Variants in SCN8A observed in about 807,000 individuals in gnomAD.
SCN8A encodes sodium voltage-gated channel alpha subunit 8.
In SCN8A, 30 loss-of-function variants were observed where a neutral mutation model predicts 184.1. That is an observed-to-expected ratio of 0.16 (90% CI 0.12 to 0.22). The LOEUF (loss-of-function observed/expected upper bound fraction) is 0.22. SCN8A is among the 10% of genes least tolerant of loss of function. The pLI is 1.00. For missense variants in SCN8A, 1,057 were observed against 2,498.9 expected (o/e 0.42, Z 12.30); for synonymous variants, 852 against 907.0 (o/e 0.94, Z 1.09).
At position 51,774,208 on chromosome 12, in the gene SCN8A, T is replaced by C. The variant is rs778889871; in HGVS notation, c.3665T>C (p.Ile1222Thr). ...SGALAFEDIY[I>T]EQRKTIRTIL... ...TTTTAGGCCTTCGAGGACATCTACA[T>C]TGAGCAGAGAAAGACCATCCGCACC... The change falls in exon 20 of 27, where the codon ATT becomes ACT. Residue 1222 changes from isoleucine (I) to threonine (T), a missense_variant. Ile to Thr is a moderately conservative substitution (Grantham distance 89). Coordinates refer to ENST00000627620, the MANE Select transcript of SCN8A (RefSeq NM_001330260.2). The C allele has an allele frequency of 6.2e-7, 1 of 1,613,334 alleles. No individual in the cohort carries two copies. Among genetic ancestry groups the C allele is most frequent in the South Asian group, 1.1e-5 (1 of 91,044 alleles).
rs948101451 is a variant in SCN8A, at chr12:51,772,906, G to A, written c.3646-1283G>A. 3.9e-5 allele frequency among the ~76,000 whole-genome samples: 6 copies of A among 152,104 alleles called. No homozygotes were observed. The East Asian group carries it at 1.2e-3, about 29-fold the overall frequency. ...CTGAGGCGGGCGAATCACGAGGTCA[G>A]GAGATTGAGACCATCCCAGCTAACA... On this transcript the variant is annotated intron_variant, in intron 19 of 26. Transcript: ENST00000627620.
intron 1 of SCN8A, among the ~76,000 whole-genome samples, chr12:51,628,830 T>C (rs1940135043): frequency 6.6e-6 from 1 of 152,256 alleles, no homozygotes; most frequent in African/African-American, 2.4e-5. Flanking sequence ...GTACTGGTTA[T>C]ATATTATTAA....
intron 6 of SCN8A, among the ~76,000 whole-genome samples, chr12:51,692,846 A>G (rs1356023873): frequency 6.6e-6 from 1 of 152,190 alleles, no homozygotes; most frequent in African/African-American, 2.4e-5. Flanking sequence ...ATTTAATAGT[A>G]TAAGTACTAA....
intron 1 of SCN8A, among the ~76,000 whole-genome samples, chr12:51,596,838 G>C (rs1256384033): frequency 6.6e-6 from 1 of 152,102 alleles, no homozygotes; most frequent in African/African-American, 2.4e-5. Flanking sequence ...ACATATACTT[G>C]GCTATTCATG....
intron 19 of SCN8A, among the ~76,000 whole-genome samples, chr12:51,772,525 C>T (rs1942941499): frequency 6.6e-6 from 1 of 152,052 alleles, no homozygotes; most frequent in African/African-American, 2.4e-5. Context: ...TCTTGGGCAT[C>T]TCACATACCT....
chr12:51,812,532 G>C lies in SCN8A; in HGVS notation c.*5103G>C, dbSNP rs1225468190. On this transcript the variant is annotated 3_prime_UTR_variant, in exon 27 of 27. Coordinates refer to ENST00000627620, the MANE Select transcript of SCN8A (RefSeq NM_001330260.2). Reference sequence around the variant, plus strand: ...AAGCTGAAATGGTACCATAAATGCTGCTATTCTGAGAGCCATTTTAAACTG... The same window carrying C: ...AAGCTGAAATGGTACCATAAATGCTCCTATTCTGAGAGCCATTTTAAACTG... The C allele has an allele frequency of 1.3e-5, 2 of 152,222 alleles. No homozygotes were observed. The highest frequency in any genetic ancestry group is 2.9e-5 in the Non-Finnish European group (2 of 68,074). 9.4% of individuals were successfully genotyped at this position (152,222 alleles called of 1,614,324 possible). A position where few individuals can be genotyped will look rare whatever the true frequency, so the allele number is the denominator to read the frequency against.
At chr12:51,748,078 A>G (rs1428724805) in intron 13 of SCN8A, among the ~76,000 whole-genome samples, 1 of 152,194 alleles carries the variant, frequency 6.6e-6, no homozygotes. Flanking sequence ...CAGAACTGCT[A>G]TAAGCAAAGA....
At chr12:51,769,789 C>G in intron 17 of SCN8A, 79 bp from the exon 18 acceptor site, 1 of 924,966 alleles carries the variant, frequency 1.1e-6, no homozygotes, top group South Asian at 1.4e-5. Context: ...CCCTCATCCC[C>G]ACCAGAGGCA....
At chr12:51,622,831 T>C (rs1939993432) in intron 1 of SCN8A, among the ~76,000 whole-genome samples, 1 of 152,230 alleles carries the variant, frequency 6.6e-6, no homozygotes, top group Non-Finnish European at 1.5e-5. Flanking sequence ...TATCTACTTA[T>C]ATTATCTGGA....
At chr12:51,763,246 AC>A (rs1339110487) in intron 15 of SCN8A, among the ~76,000 whole-genome samples, 1 of 152,224 alleles carries the variant, frequency 6.6e-6, no homozygotes, top group Non-Finnish European at 1.5e-5. Flanking sequence ...TTCAGTAGAA[AC>A]CATACTTTGA....
At chr12:51,700,092 G>A (rs923920288) in intron 7 of SCN8A, among the ~76,000 whole-genome samples, 8 of 151,930 alleles carry the variant, frequency 5.3e-5, no homozygotes, top group African/African-American at 1.9e-4. Flanking sequence ...CTTGAACCCG[G>A]GAGGCGGAGG....
At chr12:51,676,438 A>G (rs192347218) in intron 2 of SCN8A, among the ~76,000 whole-genome samples, 7 of 152,302 alleles carry the variant, frequency 4.6e-5, no homozygotes, top group Admixed American at 1.3e-4. Context: ...ATTCTGCATT[A>G]TATTTTCCGT....
At chr12:51,804,813 C>A (rs1257337547) in intron 26 of SCN8A, among the ~76,000 whole-genome samples, 2 of 152,170 alleles carry the variant, frequency 1.3e-5, no homozygotes. Context: ...AGCACAAAAT[C>A]TATCAGCTCA....
At chr12:51,733,529 TC>T in intron 12 of SCN8A, among the ~76,000 whole-genome samples, 1 of 152,344 alleles carries the variant, frequency 6.6e-6, no homozygotes, top group East Asian at 1.9e-4. Context: ...CCTGTTGTTT[TC>T]TTTTTTTGAT....
At chr12:51,661,224 T>C (rs1242186772) in intron 1 of SCN8A, among the ~76,000 whole-genome samples, 1 of 152,146 alleles carries the variant, frequency 6.6e-6, no homozygotes, top group African/African-American at 2.4e-5. Flanking sequence ...ATTTGTAAAA[T>C]CCTTACAGCT....
chr12:51,708,082 C>T (rs2138753406), intron 11 of SCN8A, among the ~76,000 whole-genome samples: 1 of 152,294 alleles, frequency 6.6e-6, no homozygotes, highest in Middle Eastern at 3.4e-3. Context: ...TATGTCACAC[C>T]AGCAATCTTC....
Position 51,769,210 on chromosome 12 carries a change from C to T in SCN8A, c.3247C>T (p.His1083Tyr). The T allele has an allele frequency of 1.2e-6, 2 of 1,613,940 alleles. No individual in the cohort carries two copies. Among genetic ancestry groups the T allele is most frequent in the Non-Finnish European group, 1.7e-6 (2 of 1,179,852 alleles). Residue 1083 changes from histidine to tyrosine, a missense_variant, in exon 17 of 27, where the codon CAC (histidine) becomes TAC (tyrosine). Transcript: ENST00000627620. ...GGAGAAGTACATCATTGATGAGGAC[C>T]ACATGTCCTTCATCAACAACCCCAA... ...SVEKYIIDED[H>Y]MSFINNPNLT...
At chr12:51,788,143 G>A (rs1938138693) in intron 22 of SCN8A, among the ~76,000 whole-genome samples, 1 of 152,192 alleles carries the variant, frequency 6.6e-6, no homozygotes. Context: ...GACTGAAGGA[G>A]TAGAATTGGG....
intron 1 of SCN8A, among the ~76,000 whole-genome samples, chr12:51,656,474 A>T (rs1485557853): frequency 6.6e-6 from 1 of 152,210 alleles, no homozygotes; most frequent in Admixed American, 6.5e-5. Context: ...TAAGAACTAC[A>T]GTTTATCAAA....
Sources: gnomAD v4.1 joint callset for allele counts (sites outside exome capture counted in the v4.1 genomes callset) on GRCh38, gnomAD v4.1.1 for gene constraint, MANE v1.5 for transcripts, NCBI Gene and HGNC (gene_info 2026-07-23, HGNC 2026-07-21) for gene names.